NDST4: variants seen among roughly 807,000 people sequenced by gnomAD.
The protein encoded by NDST4 is N-heparan sulfate sulfotransferase 4.
NDST4 carries 63 observed loss-of-function variants against 100.8 expected under a neutral mutation model. The ratio of observed to expected loss-of-function variants is 0.62; its 90% CI spans 0.51 to 0.77. NDST4 has a LOEUF of 0.77. Among genes scored for constraint, NDST4 ranks in the 30% least tolerant of loss-of-function variants. The pLI, the probability that NDST4 is intolerant of heterozygous loss-of-function variation, is 0.00. For missense variants in NDST4, 943 were observed against 1,018.4 expected, an observed-to-expected ratio of 0.93 and a Z score of 1.01; for synonymous variants, 377 against 361.8, an observed-to-expected ratio of 1.04 and a Z score of -0.48.
intron 6 of NDST4, among the ~76,000 whole-genome samples, chr4:114,882,982 A>AT (rs1288032936): frequency 1.3e-5 from 2 of 152,056 alleles, no homozygotes; most frequent in Non-Finnish European, 2.9e-5. Context: ...CCAATCTGGG[A>AT]TTCTATATCC....
In NDST4 at chr4:114,914,133, A is replaced by G. The variant is rs181613611; in HGVS notation, c.1536+21073T>C. On this transcript the variant is annotated intron_variant, in intron 6 of 13. Coordinates refer to ENST00000264363, the MANE Select transcript of NDST4 (RefSeq NM_022569.3). ...TTACTTGTGGGGCCTAAAAATCTAAACAATTGAATTCATGGAGATAGAGAG... is the reference window on the plus strand; with the variant it reads ...TTACTTGTGGGGCCTAAAAATCTAAGCAATTGAATTCATGGAGATAGAGAG... Among the ~76,000 whole-genome samples, 1,373 of 152,154 alleles carry G rather than the reference A, an allele frequency of 9.0e-3. 22 individuals are homozygous for G. The highest frequency in any genetic ancestry group is 0.031 in the African/African-American group (1,281 of 41,524).
intron 2 of NDST4, among the ~76,000 whole-genome samples, chr4:115,024,829 T>C (rs1727945538): frequency 6.6e-6 from 1 of 152,174 alleles, no homozygotes; most frequent in South Asian, 2.1e-4. Flanking sequence ...ATAATTGCCA[T>C]TGTGATGAAA....
chr4:115,097,063 C>A (rs1192121109), intron 1 of NDST4, among the ~76,000 whole-genome samples: 1 of 152,060 alleles, frequency 6.6e-6, no homozygotes, highest in Non-Finnish European at 1.5e-5. Flanking sequence ...GACTTAGTCA[C>A]AATTTATGTT....
chr4:114,895,569 T>G (rs931445712), intron 6 of NDST4, among the ~76,000 whole-genome samples: 2 of 152,168 alleles, frequency 1.3e-5, no homozygotes, highest in Non-Finnish European at 2.9e-5. Context: ...AAAGAGGAAC[T>G]GGTACCATTC....
chr4:115,062,443 A>G (rs1728844284), intron 2 of NDST4, among the ~76,000 whole-genome samples: 1 of 151,944 alleles, frequency 6.6e-6, no homozygotes, highest in Non-Finnish European at 1.5e-5. Context: ...GTGACAAAAT[A>G]TACACACGAA....
At chr4:115,035,616 T>C (rs757828208) in intron 2 of NDST4, among the ~76,000 whole-genome samples, 1 of 152,124 alleles carries the variant, frequency 6.6e-6, no homozygotes, top group Non-Finnish European at 1.5e-5. Flanking sequence ...TGCTGTGTTA[T>C]TTAAAACATA....
intron 4 of NDST4, among the ~76,000 whole-genome samples, chr4:114,951,157 T>C (rs956487466): frequency 6.6e-6 from 1 of 152,072 alleles, no homozygotes; most frequent in Non-Finnish European, 1.5e-5. Flanking sequence ...TTGGACATAA[T>C]TGGAAAACAA....
intron 5 of NDST4, 98 bp from the exon 6 acceptor site, chr4:114,935,432 T>C (rs1725608149): frequency 3.4e-6 from 4 of 1,178,748 alleles, no homozygotes; most frequent in Non-Finnish European, 4.4e-6. Flanking sequence ...TAATTTCCTA[T>C]TGGATTTTCT....
Position 114,906,183 on chromosome 4 carries a change from T to C in NDST4, c.1536+29023A>G, listed in dbSNP as rs3899756. Among the ~76,000 whole-genome samples the C allele has an allele frequency of 8.9e-3, 1,354 of 152,098 alleles. 20 individuals are homozygous for C. The highest frequency in any genetic ancestry group is 0.031 in the African/African-American group (1,278 of 41,546). ...GATATTTTGCCTCATTTAGGAATTC[T>C]ATATTAAAAAAACAAGGGAGAAAGA... On this transcript the variant is annotated intron_variant, in intron 6 of 13. Transcript: ENST00000264363.
At chr4:114,998,124 G>T (rs895953069) in intron 2 of NDST4, among the ~76,000 whole-genome samples, 3 of 152,008 alleles carry the variant, frequency 2.0e-5, no homozygotes, top group Admixed American at 2.0e-4. Context: ...TTCCACCAGT[G>T]GTTCTTATCC....
intron 4 of NDST4, among the ~76,000 whole-genome samples, chr4:114,941,734 G>A (rs1725755491): frequency 6.6e-6 from 1 of 152,172 alleles, no homozygotes; most frequent in African/African-American, 2.4e-5. Context: ...CTCCCCCAGG[G>A]AGCCAGTTCT....
At chr4:114,986,628 C>T (rs535569616) in intron 2 of NDST4, among the ~76,000 whole-genome samples, 2 of 151,614 alleles carry the variant, frequency 1.3e-5, no homozygotes, top group Admixed American at 6.6e-5. Context: ...CACTCTCTTC[C>T]TCTGGTTTCT....
intron 6 of NDST4, among the ~76,000 whole-genome samples, chr4:114,929,074 G>GTCCGTCCATCCATCCA (rs1560816975): frequency 5.4e-4 from 65 of 120,594 alleles, no homozygotes; most frequent in East Asian, 4.2e-3. Flanking sequence ...CCGTCCGTCC[G>GTCCGTCCATCCATCCA]TCCATCCATC....
At chr4:114,853,387 A>G (rs1350624373) in intron 7 of NDST4, among the ~76,000 whole-genome samples, 2 of 152,070 alleles carry the variant, frequency 1.3e-5, no homozygotes, top group Non-Finnish European at 2.9e-5. Context: ...CAAATATATC[A>G]TTTTTGTATA....
chr4:114,928,888 C>T (rs1384117560), intron 6 of NDST4, among the ~76,000 whole-genome samples: 2 of 152,084 alleles, frequency 1.3e-5, no homozygotes, highest in Admixed American at 1.3e-4. Context: ...GGCATTTGGA[C>T]TGGAACTATA....
At chr4:115,041,790 GT>G (rs981795005) in intron 2 of NDST4, among the ~76,000 whole-genome samples, 31 of 152,034 alleles carry the variant, frequency 2.0e-4, no homozygotes, top group African/African-American at 6.3e-4. Context: ...ATGGGTTTAA[GT>G]TTTCTCAACA....
chr4:114,970,414 A>AATAAAATG lies in NDST4; in HGVS notation c.1221+8_1221+15dup. On this transcript the variant is annotated intron_variant, in intron 4 of 13. Transcript: ENST00000264363. The stretch of plus-strand genomic sequence containing the variant: ...CAACTTATAGTTCAAAAGATACCAC[A>AATAAAATG]ATAAAATGTGCTCACCAGTGCAAAT... 6.2e-7 allele frequency: 1 copy of AATAAAATG among 1,605,450 alleles called. No homozygotes were observed. The highest frequency in any genetic ancestry group is 8.5e-7 in the Non-Finnish European group (1 of 1,174,406).
At chr4:114,850,116 C>G (rs1465167083) in intron 8 of NDST4, among the ~76,000 whole-genome samples, 8 of 151,736 alleles carry the variant, frequency 5.3e-5, no homozygotes, top group Non-Finnish European at 1.0e-4. Flanking sequence ...TTGAGACACA[C>G]AAAACACAAA....
At chr4:115,037,623 G>T (rs1728261523) in intron 2 of NDST4, among the ~76,000 whole-genome samples, 1 of 151,998 alleles carries the variant, frequency 6.6e-6, no homozygotes, top group South Asian at 2.1e-4. Context: ...TGTATTTTCA[G>T]AGCATAAATT....
Sources: allele counts gnomAD v4.1 joint callset (sites outside exome capture counted in the v4.1 genomes callset), GRCh38; gene constraint gnomAD v4.1.1; transcripts MANE v1.5; gene names NCBI Gene and HGNC (gene_info 2026-07-23, HGNC 2026-07-21).